The following GMIP variants were observed in gnomAD, a reference collection of about 807,000 sequenced individuals.
The protein encoded by GMIP is GEM interacting protein.
In GMIP, 54 loss-of-function variants were observed where a neutral mutation model predicts 105.3. The ratio of observed to expected loss-of-function variants is 0.51; its 90% CI spans 0.41 to 0.64. The LOEUF (loss-of-function observed/expected upper bound fraction) is 0.64. GMIP is among the 30% of genes least tolerant of loss of function. The probability of loss-of-function intolerance (pLI) is 0.00; values close to 1 mark genes in which losing one functional copy is unlikely to be tolerated. For synonymous variants in GMIP, 541 were observed against 560.8 expected, an observed-to-expected ratio of 0.96 and a Z score of 0.50; for missense variants, 1,110 against 1,319.4, an observed-to-expected ratio of 0.84 and a Z score of 2.46.
chr19:19,636,562 G>GT, intron 13 of GMIP, 145 bp downstream of exon 13: 1 of 652,602 alleles, frequency 1.5e-6, no homozygotes. Context: ...TTTTAAAAAG[G>GT]TAAAAAAAGA....
intron 19 of GMIP, 23 bp downstream of exon 19, chr19:19,633,780 C>G: frequency 7.0e-7 from 1 of 1,431,752 alleles, no homozygotes; most frequent in South Asian, 1.7e-5. Context: ...CTCTCCATAG[C>G]TGTGGGCCCA....
Position 19,634,123 on chromosome 19 carries a change from G to A in GMIP, c.2152C>T (p.Leu718=). The A allele has an allele frequency of 1.2e-6, 2 of 1,612,222 alleles. No homozygotes were observed. Among genetic ancestry groups the A allele is most frequent in the East Asian group, 2.2e-5 (1 of 44,840 alleles). The change falls in exon 19 of 21, where the codon CTG becomes TTG. Residue 718 remains leucine (L), a synonymous_variant. Transcript: ENST00000203556. This position sits in a 1 kb window ranked among gnomAD's most constrained non-coding sequence, Gnocchi z 6.1. ...NNLGIVFGPT[L]LRPPDGPRAA... is the part of the protein sequence containing the mutation. ...CGCGGGCCGTCCGGCGGCCGCAGCA[G>A]TGTCGGCCCAAACACAATGCCCAGG...
At chr19:19,638,579 C>A in intron 7 of GMIP, 97 bp from the exon 8 acceptor site, 2 of 969,370 alleles carry the variant, frequency 2.1e-6, no homozygotes. Flanking sequence ...TGCTTTGCCA[C>A]CTCTGGACTC....
rs574650410 is a variant in GMIP at position 19,637,646 on chromosome 19, C to T, written c.928-85G>A. On this transcript the variant is annotated intron_variant, in intron 10 of 20. Coordinates refer to ENST00000203556, the MANE Select transcript of GMIP (RefSeq NM_016573.4). This position sits in a 1 kb window ranked among gnomAD's most constrained non-coding sequence, Gnocchi z 6.7. Reference sequence around the variant, plus strand: ...CAGAGCTGGGGCGGGGCTTGAGAGACGCGAACGTGGTCAGGGTTTGGGACG... The same window carrying T: ...CAGAGCTGGGGCGGGGCTTGAGAGATGCGAACGTGGTCAGGGTTTGGGACG... 9.5e-6 allele frequency: 11 copies of T among 1,152,224 alleles called. No homozygotes were observed. In the South Asian group the frequency reaches 1.6e-4, roughly 17 times the overall value. The allele number at this position is 1,152,224 out of a possible 1,614,324, so 71.4% of individuals were successfully genotyped here.
chr19:19,643,391 T>C (rs2061945315), intron 1 of GMIP, 120 bp downstream of exon 1: 4 of 913,380 alleles, frequency 4.4e-6, no homozygotes, highest in South Asian at 3.2e-5. Flanking sequence ...GATCCCTGGG[T>C]CCTTCCCATT....
Position 19,636,631 on chromosome 19 carries a change from T to G in GMIP, c.1327+76A>C. ...TCAGAGGTCAAAGATAGTTAAAGAT[T>G]GAGGGTCAGAGCTTGGCCAGGGGCT... On this transcript the variant is annotated intron_variant, in intron 13 of 20. Coordinates refer to ENST00000203556, the MANE Select transcript of GMIP (RefSeq NM_016573.4). 3 of 1,038,932 alleles carry G rather than the reference T, an allele frequency of 2.9e-6. No individual in the cohort carries two copies. The Admixed American group carries it at 5.1e-5, about 18-fold the overall frequency. 64.4% of individuals were successfully genotyped at this position (1,038,932 alleles called of 1,614,324 possible).
At position 19,642,630 on chromosome 19, in the gene GMIP, G is replaced by A. The variant is rs756174861; in HGVS notation, c.20-11C>T. On this transcript the variant is annotated splice_polypyrimidine_tract_variant and intron_variant, in intron 1 of 20. Transcript: ENST00000203556. ...GACCTGGGGGGAGTCCTAGGGGAGG[G>A]GAGTGTAATACATGGGCTAACCACT... is the stretch of plus-strand genomic sequence containing the variant. The A allele has an allele frequency of 4.7e-6, 7 of 1,494,534 alleles. No homozygotes were observed. Among genetic ancestry groups the A allele is most frequent in the South Asian group, 3.4e-5 (3 of 87,804 alleles). 92.6% of individuals were successfully genotyped at this position (1,494,534 alleles called of 1,614,324 possible).
rs142866193 is a variant in GMIP, at chr19:19,641,700, A to T, written c.238+110T>A. On this transcript the variant is annotated intron_variant, in intron 4 of 20. Transcript: ENST00000203556. ...ACTGAGATCTGTTGTGTGTACTGCC[A>T]TATTCCCAAAACCTAAACGATGCCT... 125 of 835,736 alleles carry T rather than the reference A, an allele frequency of 1.5e-4. 1 individual carries two copies. The highest frequency in any genetic ancestry group is 2.4e-4 in the Non-Finnish European group (118 of 496,744). The allele number at this position is 835,736 out of a possible 1,614,324, so 51.8% of individuals were successfully genotyped here. A position where few individuals can be genotyped will look rare whatever the true frequency, so the allele number is the denominator to read the frequency against.
rs777223785 is a variant in GMIP at position 19,634,521 on chromosome 19, C to T, written c.2070G>A (p.Val690=). Residue 690 remains valine (V), a synonymous_variant, in exon 18 of 21, where the codon GTG becomes GTA. Transcript: ENST00000203556. This position sits in a 1 kb window ranked among gnomAD's most constrained non-coding sequence, Gnocchi z 6.1. ...CCCATGCACACCTGAACAGATGGGC[C>T]ACCAGGTGCCGCAGGGTGTTGTAGT... ...DSNYNTLRHL[V]AHLFRVAARF... is the part of the protein sequence containing the mutation. 1.9e-6 allele frequency: 3 copies of T among 1,610,420 alleles called. No individual in the cohort carries two copies. Among genetic ancestry groups the T allele is most frequent in the Non-Finnish European group, 2.5e-6 (3 of 1,178,968 alleles).
chr19:19,629,937 C>T lies in GMIP; in HGVS notation c.*26G>A. ...GGGTCCGTCTTCACAATCTGGGCCT[C>T]TTCCTTATTTAAGGTGCCAGGGTGG... On this transcript the variant is annotated 3_prime_UTR_variant, in exon 21 of 21. Transcript: ENST00000203556. 6.3e-7 allele frequency: 1 copy of T among 1,596,808 alleles called. No homozygotes were observed. Among genetic ancestry groups the T allele is most frequent in the South Asian group, 1.1e-5 (1 of 88,380 alleles).
chr19:19,642,201 C>G (rs2061929700), intron 2 of GMIP, 150 bp from the exon 3 acceptor site: 1 of 603,002 alleles, frequency 1.7e-6, no homozygotes, highest in Non-Finnish European at 2.9e-6. Flanking sequence ...TTGGGGGAAT[C>G]AGGTGAGTTT....
rs147987446 is a variant in GMIP at position 19,640,496 on chromosome 19, C to A, written c.314G>T (p.Ser105Ile). The A allele has an allele frequency of 4.6e-5, 75 of 1,614,098 alleles. No individual in the cohort carries two copies. In the African/African-American group the frequency reaches 9.1e-4, roughly 20 times the overall value. The part of the protein sequence containing the change: ...DAALEYAKTW[S>I]RYAKELLAWT... The stretch of plus-strand genomic sequence containing the variant: ...GGCAAGCAGTTCCTTGGCATAGCGG[C>A]TCCAGGTCTTGGCATATTCCAGGGC... The change falls in exon 5 of 21, where the codon AGC (serine) becomes ATC (isoleucine). Residue 105 changes from serine (S) to isoleucine (I), a missense_variant. Coordinates refer to ENST00000203556, the MANE Select transcript of GMIP (RefSeq NM_016573.4).
chr19:19,636,524 TAAAC>T (rs956365726), intron 13 of GMIP, among the ~76,000 whole-genome samples, 179 bp downstream of exon 13: 3 of 151,864 alleles, frequency 2.0e-5, no homozygotes, highest in South Asian at 2.1e-4. Context: ...CTGTCTCAAA[TAAAC>T]AAACAAATAA....
In GMIP at chr19:19,635,776, T is replaced by G. The variant is rs935169524; in HGVS notation, c.1328-55A>C. ...TGGGCTATGGGAGGCACTCCTGGTTTTTAGGGCTTCCAGAACCACCCACTA... is the reference window on the plus strand; with the variant it reads ...TGGGCTATGGGAGGCACTCCTGGTTGTTAGGGCTTCCAGAACCACCCACTA... On this transcript the variant is annotated intron_variant, in intron 13 of 20. Transcript: ENST00000203556. The surrounding 1 kb of genome is among the most constrained non-coding windows in gnomAD (Gnocchi z 4.7). 8.9e-5 allele frequency: 129 copies of G among 1,457,078 alleles called. No homozygotes were observed. Among genetic ancestry groups the G allele is most frequent in the Non-Finnish European group, 1.0e-4 (108 of 1,038,714 alleles). The allele number at this position is 1,457,078 out of a possible 1,614,324, so 90.3% of individuals were successfully genotyped here.
intron 4 of GMIP, 83 bp downstream of exon 4, chr19:19,641,727 G>T: frequency 1.0e-6 from 1 of 1,001,934 alleles, no homozygotes; most frequent in Non-Finnish European, 1.6e-6. Flanking sequence ...ACGATGCCTT[G>T]CATGGAACAG....
Position 19,629,868 on chromosome 19 carries a change from T to C in GMIP, c.*95A>G, listed in dbSNP as rs2061773606. On this transcript the variant is annotated 3_prime_UTR_variant, in exon 21 of 21. Transcript: ENST00000203556. Reference sequence around the variant, plus strand: ...TGGACCTCTCCCAGCATTGAACTCCTGGCGGGGTGTTTGGCCACTAGGTGG... The same window carrying C: ...TGGACCTCTCCCAGCATTGAACTCCCGGCGGGGTGTTTGGCCACTAGGTGG... 1.9e-5 allele frequency: 24 copies of C among 1,249,952 alleles called. No homozygotes were observed. Among genetic ancestry groups the C allele is most frequent in the Non-Finnish European group, 2.6e-5 (24 of 907,482 alleles). 77.4% of individuals were successfully genotyped at this position (1,249,952 alleles called of 1,614,324 possible). A position where few individuals can be genotyped will look rare whatever the true frequency, so the allele number is the denominator to read the frequency against.
chr19:19,636,759 G>A lies in GMIP; in HGVS notation c.1275C>T (p.Ser425=), dbSNP rs766930678. 103 of 1,613,370 alleles carry A rather than the reference G, an allele frequency of 6.4e-5. No individual in the cohort carries two copies. Among genetic ancestry groups the A allele is most frequent in the Non-Finnish European group, 7.8e-5 (92 of 1,179,758 alleles). ...PGPTPGSDVD[S]VGGGSESRSL... ...ACCGAGACTCGCTGCCGCCACCCACGCTGTCCACATCGCTGCCCGGAGTGG... is the reference window on the plus strand; with the variant it reads ...ACCGAGACTCGCTGCCGCCACCCACACTGTCCACATCGCTGCCCGGAGTGG... The change falls in exon 13 of 21, where the codon AGC becomes AGT. Residue 425 remains serine, a synonymous_variant. Transcript: ENST00000203556.
chr19:19,637,710 G>A lies in GMIP; in HGVS notation c.928-149C>T, dbSNP rs545373080. On this transcript the variant is annotated intron_variant, in intron 10 of 20. Transcript: ENST00000203556. This position sits in a 1 kb window ranked among gnomAD's most constrained non-coding sequence, Gnocchi z 6.7. ...TAGGAACTAGGGCAGTCGGCCAGGG[G>A]ACCCAGGCATGGTCAGAGCAGGGGC... 2.2e-5 allele frequency: 18 copies of A among 829,348 alleles called. No individual in the cohort carries two copies. Among genetic ancestry groups the A allele is most frequent in the East Asian group, 2.8e-5 (1 of 35,340 alleles). The allele number at this position is 829,348 out of a possible 1,614,324, so 51.4% of individuals were successfully genotyped here.
chr19:19,634,586 G>T lies in GMIP; in HGVS notation c.2005C>A (p.Arg669Ser). Residue 669 changes from arginine (R) to serine (S), a missense_variant, in exon 18 of 21, where the codon CGC becomes AGC. Physicochemically the swap from Arg to Ser is moderately radical, Grantham distance 110. This residue lies in a region of GMIP where 394 missense variants were observed against 450.5 expected (regional missense o/e 0.87). Transcript: ENST00000203556. The surrounding 1 kb of genome is among the most constrained non-coding windows in gnomAD (Gnocchi z 6.1). ...GTPSPSPEVIRSLKTLLVQLP... is the reference protein window; with the variant it reads ...GTPSPSPEVISSLKTLLVQLP... ...TGTACCAAGAGGGTCTTCAGCGAGC[G>T]GATAACCTCAGGGCTGGGGCTGGGG... 3 of 1,613,596 alleles carry T rather than the reference G, an allele frequency of 1.9e-6. No homozygotes were observed. The highest frequency in any genetic ancestry group is 2.5e-6 in the Non-Finnish European group (3 of 1,179,852).
Sources: gnomAD v4.1 joint callset for allele counts (sites outside exome capture counted in the v4.1 genomes callset) on GRCh38, gnomAD v4.1.1 for gene constraint, gnomAD v4.1.1 regional missense constraint, Gnocchi (gnomAD v3.1) non-coding constraint, MANE v1.5 for transcripts, NCBI Gene and HGNC (gene_info 2026-07-23, HGNC 2026-07-21) for gene names.